NXPE3: variants seen among roughly 807,000 people sequenced by gnomAD.
NXPE3 encodes the protein neurexophilin and PC-esterase domain family member 3, also known as NXPE family member 3.
Under a neutral mutation model 46.1 loss-of-function variants are expected in NXPE3, and 26 were observed. The ratio of observed to expected loss-of-function variants is 0.56; its 90% CI spans 0.41 to 0.78. The LOEUF (loss-of-function observed/expected upper bound fraction) is 0.78, where lower values mean the gene tolerates loss of function less well. Ranked by LOEUF, NXPE3 falls within the 30% of genes least tolerant of loss-of-function variation. NXPE3 has a pLI of 0.00. For synonymous variants in NXPE3, 272 were observed against 257.9 expected (o/e 1.05, Z -0.52); for missense variants, 620 against 686.0 (o/e 0.90, Z 1.07).
chr3:101,815,881 A>G (rs1221371976), intron 6 of NXPE3, among the ~76,000 whole-genome samples: 1 of 152,194 alleles, frequency 6.6e-6, no homozygotes, highest in African/African-American at 2.4e-5. Flanking sequence ...CTGTACTCCC[A>G]GCTACTCGGG....
chr3:101,807,193 T>C, intron 6 of NXPE3, 67 bp downstream of exon 6: 1 of 1,202,120 alleles, frequency 8.3e-7, no homozygotes, highest in East Asian at 2.3e-5. Flanking sequence ...CTCTGTCGTT[T>C]CATTTATGTT....
At chr3:101,815,648 G>A (rs918924549) in intron 6 of NXPE3, among the ~76,000 whole-genome samples, 20 of 152,044 alleles carry the variant, frequency 1.3e-4, no homozygotes, top group African/African-American at 4.8e-4. Flanking sequence ...CGGATCACTT[G>A]AGATCAGAAG....
rs994756482 is a variant in NXPE3 at position 101,801,374 on chromosome 3, A to C, written c.233A>C (p.Glu78Ala). ...QTLSSQERME[E>A]DSLLAALHRQ... ...CTGTCCAGCCAGGAGCGCATGGAGG[A>C]GGACTCCTTGCTGGCTGCCTTGCAC... Residue 78 changes from glutamate to alanine, a missense_variant, in exon 5 of 8, where the codon GAG becomes GCG. Physicochemically the swap from Glu to Ala is moderately radical, Grantham distance 107 (BLOSUM62 -1). Transcript: ENST00000273347. The C allele has an allele frequency of 6.2e-7, 1 of 1,614,088 alleles. No homozygotes were observed. Among genetic ancestry groups the C allele is most frequent in the African/African-American group, 1.3e-5 (1 of 74,928 alleles).
At chr3:101,779,874 G>A (rs1013755632) in intron 1 of NXPE3, 1 of 152,408 alleles carries the variant, frequency 6.6e-6, no homozygotes, top group Non-Finnish European at 1.5e-5. Flanking sequence ...GCCTTACTGA[G>A]CTGCCGTTTG....
chr3:101,791,008 A>G (rs1406201542), intron 4 of NXPE3, among the ~76,000 whole-genome samples: 1 of 152,160 alleles, frequency 6.6e-6, no homozygotes, highest in Non-Finnish European at 1.5e-5. Flanking sequence ...TTACACAGGA[A>G]AGCATATGTC....
At position 101,785,633 on chromosome 3, in the gene NXPE3, T is replaced by C. The variant is rs773899326; in HGVS notation, c.37T>C (p.Cys13Arg). The change falls in exon 4 of 8, where the codon TGT becomes CGT. Residue 13 changes from cysteine to arginine, a missense_variant. Physicochemically the swap from Cys to Arg is radical, Grantham distance 180 (BLOSUM62 -3). This residue lies in a region of NXPE3 where 511 missense variants were observed against 528.6 expected (regional missense o/e 0.97). Transcript: ENST00000273347. ...TTTCTTCAAACTACGGCTTTTCTGC[T>C]GTCTGCTTGCAGTGTTGATGGTGGT... The part of the protein sequence containing the change: ...TNFFKLRLFC[C>R]LLAVLMVVVL... The C allele has an allele frequency of 8.1e-6, 13 of 1,614,038 alleles. No homozygotes were observed. In the Admixed American group the frequency reaches 1.8e-4, roughly 23 times the overall value.
chr3:101,784,355 G>A (rs1940021427), intron 3 of NXPE3, among the ~76,000 whole-genome samples: 1 of 152,172 alleles, frequency 6.6e-6, no homozygotes, highest in Admixed American at 6.5e-5. Context: ...TGGGAACTCT[G>A]AGGATGGAGA....
chr3:101,812,067 A>G (rs916639344), intron 6 of NXPE3, among the ~76,000 whole-genome samples: 2 of 152,156 alleles, frequency 1.3e-5, no homozygotes, highest in Non-Finnish European at 2.9e-5. Flanking sequence ...ACCTTCTAGT[A>G]TACAAATGAT....
At chr3:101,798,519 G>C (rs963938799) in intron 4 of NXPE3, among the ~76,000 whole-genome samples, 2 of 146,770 alleles carry the variant, frequency 1.4e-5, no homozygotes, top group African/African-American at 2.5e-5. Context: ...ATATATGTAT[G>C]TGTATATATG....
intron 6 of NXPE3, among the ~76,000 whole-genome samples, chr3:101,812,729 G>A (rs112466981): frequency 0.011 from 1,569 of 141,162 alleles, 29 homozygotes; most frequent in African/African-American, 0.039. Context: ...GGAGAATGGC[G>A]TGAACCCGGG....
At chr3:101,780,136 C>T (rs938870523) in intron 1 of NXPE3, among the ~76,000 whole-genome samples, 1 of 152,194 alleles carries the variant, frequency 6.6e-6, no homozygotes, top group Admixed American at 6.5e-5. Flanking sequence ...TGGTGGGCCT[C>T]CCCGCTCCTC....
At chr3:101,819,904 A>G (rs550006667) in intron 7 of NXPE3, among the ~76,000 whole-genome samples, 3 of 152,304 alleles carry the variant, frequency 2.0e-5, no homozygotes, top group Non-Finnish European at 4.4e-5. Flanking sequence ...CTACCCGTCT[A>G]GCAGCCCTCT....
intron 1 of NXPE3, among the ~76,000 whole-genome samples, chr3:101,781,360 A>G (rs190988348): frequency 6.8e-4 from 103 of 152,302 alleles, no homozygotes; most frequent in Admixed American, 4.6e-4. Context: ...TTCTTTGTTT[A>G]ATATTGAACT....
chr3:101,794,564 G>C (rs1254376337), intron 4 of NXPE3, among the ~76,000 whole-genome samples: 1 of 152,064 alleles, frequency 6.6e-6, no homozygotes, highest in Non-Finnish European at 1.5e-5. Context: ...GATGGCAGAG[G>C]GACAATAAAT....
intron 4 of NXPE3, among the ~76,000 whole-genome samples, chr3:101,794,117 T>C (rs761992372): frequency 4.2e-4 from 64 of 152,126 alleles, no homozygotes; most frequent in Non-Finnish European, 8.7e-4. Flanking sequence ...TGCCTTTTTT[T>C]TTTTTCAGTT....
chr3:101,812,835 A>AAG (rs1380530934), intron 6 of NXPE3, among the ~76,000 whole-genome samples: 4,517 of 142,470 alleles, frequency 0.032, 209 homozygotes, highest in Non-Finnish European at 0.052. Flanking sequence ...AAAAAAAAAA[A>AAG]AAAAAAAGAT....
Position 101,821,870 on chromosome 3 carries a change from A to G in NXPE3, c.1596A>G (p.Leu532=), listed in dbSNP as rs1652975090. ...GGGAGATGACCCTGGCCCATTATCTACCGCACAAGCTGCATCCAGATGAAG... is the reference window on the plus strand; with the variant it reads ...GGGAGATGACCCTGGCCCATTATCTGCCGCACAAGCTGCATCCAGATGAAG... ...DAWEMTLAHY[L]PHKLHPDEVI... is the part of the protein sequence containing the mutation. Residue 532 remains leucine, a synonymous_variant, in exon 8 of 8, where the codon CTA becomes CTG. Transcript: ENST00000273347. The G allele has an allele frequency of 6.2e-7, 1 of 1,614,104 alleles. No homozygotes were observed. Among genetic ancestry groups the G allele is most frequent in the African/African-American group, 1.3e-5 (1 of 75,006 alleles).
chr3:101,786,909 C>T (rs1473549242), intron 4 of NXPE3, among the ~76,000 whole-genome samples: 1 of 152,146 alleles, frequency 6.6e-6, no homozygotes, highest in Admixed American at 6.5e-5. Context: ...TCCCAAACTG[C>T]AGCTCTTTAC....
chr3:101,801,904 C>T lies in NXPE3; in HGVS notation c.763C>T (p.Leu255Phe), dbSNP rs1419128750. 6.8e-6 allele frequency: 11 copies of T among 1,614,042 alleles called. No individual in the cohort carries two copies. The highest frequency in any genetic ancestry group is 1.7e-5 in the Admixed American group (1 of 60,006). The change falls in exon 5 of 8, where the codon CTC (leucine) becomes TTC (phenylalanine). Residue 255 changes from leucine to phenylalanine, a missense_variant. Leu to Phe is a conservative substitution (Grantham distance 22). Transcript: ENST00000273347. ...EPWFCFKPKK[L>F]PCSSRITHFK... ...CTGGTTCTGCTTCAAACCAAAGAAG[C>T]TCCCTTGCAGCAGCAGAATTACCCA...
Sources: gnomAD v4.1 joint callset for allele counts (sites outside exome capture counted in the v4.1 genomes callset) on GRCh38, gnomAD v4.1.1 for gene constraint, gnomAD v4.1.1 regional missense constraint, MANE v1.5 for transcripts, NCBI Gene and HGNC (gene_info 2026-07-23, HGNC 2026-07-21) for gene names.